SUCLG2: variants seen among roughly 807,000 people sequenced by gnomAD.
SUCLG2 encodes the protein succinate--CoA ligase [GDP-forming] subunit beta, mitochondrial.
SUCLG2 carries 42 observed loss-of-function variants against 47.9 expected under a neutral mutation model. The observed-to-expected ratio is 0.88, with a 90% CI of 0.69 to 1.14. The LOEUF (loss-of-function observed/expected upper bound fraction) is 1.14. Ranked by LOEUF, SUCLG2 falls within the 50% of genes most tolerant of loss-of-function variation. The pLI is 0.00. For synonymous variants in SUCLG2, 195 were observed against 197.3 expected, an observed-to-expected ratio of 0.99 and a Z score of 0.10; for missense variants, 571 against 525.9, an observed-to-expected ratio of 1.09 and a Z score of -0.84.
chr3:67,504,659 AG>A (rs955162827), intron 7 of SUCLG2, among the ~76,000 whole-genome samples: 14 of 152,144 alleles, frequency 9.2e-5, no homozygotes, highest in Non-Finnish European at 2.1e-4. Flanking sequence ...CCAGTAGCAT[AG>A]CCTCCAAGTT....
At chr3:67,593,773 T>G (rs1708229600) in intron 2 of SUCLG2, among the ~76,000 whole-genome samples, 2 of 152,206 alleles carry the variant, frequency 1.3e-5, no homozygotes, top group Non-Finnish European at 2.9e-5. Context: ...GAGCAGTTGG[T>G]CACCCCCGAC....
At chr3:67,617,708 C>G (rs1341157177) in intron 1 of SUCLG2, among the ~76,000 whole-genome samples, 1 of 152,154 alleles carries the variant, frequency 6.6e-6, no homozygotes, top group Admixed American at 6.5e-5. Context: ...GAAATGGCAG[C>G]TGACATGAGT....
intron 9 of SUCLG2, among the ~76,000 whole-genome samples, chr3:67,494,144 A>C (rs1436350657): frequency 2.0e-5 from 3 of 152,222 alleles, no homozygotes; most frequent in Non-Finnish European, 4.4e-5. Flanking sequence ...ATGCAAAACA[A>C]AACAGGCTAT....
chr3:67,522,817 CCA>C lies in SUCLG2; in HGVS notation c.418-2185_418-2184del, dbSNP rs577071732. On this transcript the variant is annotated intron_variant, in intron 4 of 10. Transcript: ENST00000307227. ...TAGCTGGGACTACAGGTGCCCGCCA[CCA>C]CACCCGGCTAATTTTTTTGTATTTT... is the stretch of plus-strand genomic sequence containing the variant. Among the ~76,000 whole-genome samples the C allele has an allele frequency of 3.0e-3, 458 of 150,978 alleles. 3 individuals are homozygous for C. The highest frequency in any genetic ancestry group is 0.021 in the Middle Eastern group (6 of 286).
At chr3:67,609,988 A>G (rs545883215) in intron 1 of SUCLG2, among the ~76,000 whole-genome samples, 1 of 152,220 alleles carries the variant, frequency 6.6e-6, no homozygotes, top group East Asian at 1.9e-4. Context: ...CTTTGAGTCT[A>G]CAAGTATTTC....
chr3:67,382,829 C>T (rs1295651926), intron 10 of SUCLG2, among the ~76,000 whole-genome samples: 1 of 152,120 alleles, frequency 6.6e-6, no homozygotes. Flanking sequence ...TTTTTCTCCC[C>T]ACTGGGAGAG....
At chr3:67,609,314 TGC>T in intron 2 of SUCLG2, 139 bp downstream of exon 2, 3 of 905,836 alleles carry the variant, frequency 3.3e-6, no homozygotes, top group Non-Finnish European at 3.3e-6. Flanking sequence ...TGGACTTTTT[TGC>T]TTTTGCAGTT....
At chr3:67,391,920 G>C (rs1417564911) in intron 10 of SUCLG2, among the ~76,000 whole-genome samples, 1 of 152,164 alleles carries the variant, frequency 6.6e-6, no homozygotes. Context: ...TGCAAGGTAA[G>C]ATGGACCTGT....
At chr3:67,477,453 G>A (rs1213552455) in intron 9 of SUCLG2, among the ~76,000 whole-genome samples, 1 of 152,222 alleles carries the variant, frequency 6.6e-6, no homozygotes, top group Admixed American at 6.5e-5. Flanking sequence ...CCAGCACTTT[G>A]GGAGGCCGAG....
intron 10 of SUCLG2, among the ~76,000 whole-genome samples, chr3:67,362,564 A>G (rs1377499532): frequency 2.6e-5 from 4 of 152,110 alleles, no homozygotes; most frequent in African/African-American, 9.7e-5. Flanking sequence ...TGAAATTGCA[A>G]AGTCCATGAG....
At chr3:67,438,415 C>A (rs1269449773) in intron 9 of SUCLG2, among the ~76,000 whole-genome samples, 1 of 151,760 alleles carries the variant, frequency 6.6e-6, no homozygotes, top group African/African-American at 2.4e-5. Context: ...ACATGAAAAA[C>A]TCATCCTCCC....
intron 2 of SUCLG2, among the ~76,000 whole-genome samples, chr3:67,548,750 C>A (rs1706932398): frequency 6.6e-6 from 1 of 152,108 alleles, no homozygotes; most frequent in African/African-American, 2.4e-5. Flanking sequence ...CAATAGGGAT[C>A]ACAAGTCTCT....
intron 2 of SUCLG2, among the ~76,000 whole-genome samples, chr3:67,534,768 CAAAAA>C (rs60612549): frequency 7.5e-3 from 262 of 34,848 alleles, no homozygotes; most frequent in African/African-American, 0.021. Flanking sequence ...ACACTGATGG[CAAAAA>C]AAAAAAAAAA....
intron 9 of SUCLG2, among the ~76,000 whole-genome samples, chr3:67,467,454 T>C (rs1254938881): frequency 6.6e-6 from 1 of 152,150 alleles, no homozygotes; most frequent in African/African-American, 2.4e-5. Context: ...TGCCTTCACG[T>C]GGAAAAAAGA....
At chr3:67,534,353 G>A (rs1365316358) in intron 2 of SUCLG2, among the ~76,000 whole-genome samples, 2 of 151,888 alleles carry the variant, frequency 1.3e-5, no homozygotes, top group Admixed American at 6.6e-5. Flanking sequence ...GCTTTCGACG[G>A]AATAATTTTA....
intron 10 of SUCLG2, among the ~76,000 whole-genome samples, chr3:67,385,741 T>A (rs1702245328): frequency 6.6e-6 from 1 of 152,198 alleles, no homozygotes. Flanking sequence ...TCCAACTACT[T>A]CTTTTTTCTT....
chr3:67,363,766 G>A (rs1701840064), intron 10 of SUCLG2, among the ~76,000 whole-genome samples: 2 of 152,066 alleles, frequency 1.3e-5, no homozygotes, highest in South Asian at 4.2e-4. Flanking sequence ...ATCAAAGAGA[G>A]AACAATAGCA....
intron 9 of SUCLG2, among the ~76,000 whole-genome samples, chr3:67,457,095 C>T (rs2106949011): frequency 6.6e-6 from 1 of 152,224 alleles, no homozygotes; most frequent in South Asian, 2.1e-4. Flanking sequence ...CAAGCAAACC[C>T]CAAATATCCT....
At chr3:67,629,300 C>T (rs565176741) in intron 1 of SUCLG2, among the ~76,000 whole-genome samples, 6 of 152,334 alleles carry the variant, frequency 3.9e-5, no homozygotes, top group Admixed American at 6.5e-5. Context: ...CTCAGTCCCC[C>T]AGACTGCTCC....
Sources: gnomAD v4.1 joint callset for allele counts (sites outside exome capture counted in the v4.1 genomes callset) on GRCh38, gnomAD v4.1.1 for gene constraint, MANE v1.5 for transcripts, NCBI Gene and HGNC (gene_info 2026-07-23, HGNC 2026-07-21) for gene names.